The following LIMS2 variants were observed in gnomAD, a reference collection of about 807,000 sequenced individuals.
LIMS2 encodes LIM and senescent cell antigen-like-containing domain protein 2.
LIMS2 carries 30 observed loss-of-function variants against 45.3 expected under a neutral mutation model. The ratio of observed to expected loss-of-function variants is 0.66; its 90% CI spans 0.50 to 0.90. The LOEUF is 0.90. LIMS2 is among the 40% of genes least tolerant of loss of function. The probability of loss-of-function intolerance (pLI) is 0.00; values close to 1 mark genes in which losing one functional copy is unlikely to be tolerated. For synonymous variants in LIMS2, 173 were observed against 188.0 expected (o/e 0.92, Z 0.65); for missense variants, 485 against 468.7 (o/e 1.03, Z -0.32).
At chr2:127,649,157 G>GAGGAAGGAAGGA (rs1469679192) in intron 4 of LIMS2, among the ~76,000 whole-genome samples, 2 of 73,862 alleles carry the variant, frequency 2.7e-5, no homozygotes, top group African/African-American at 1.1e-4. Context: ...GTGAGAGAGA[G>GAGGAAGGAAGGA]AGGAAGGTAG....
chr2:127,642,137 TCATGGCAGGGCAGG>T lies in LIMS2; in HGVS notation c.558_571del (p.Cys186Ter), dbSNP rs1406728924. ...CCCGCAGATGGGGACGCCCATCTTG[TCATGGCAGGGCAGG>T]CAGTAGAGCTCACCCTTCAGCTCGC... On this transcript the variant is annotated stop_gained and frameshift_variant, in exon 6 of 10. Transcript: ENST00000355119. LOFTEE classifies it high-confidence loss of function. The surrounding 1 kb of genome is among the most constrained non-coding windows in gnomAD (Gnocchi z 5.3). 1 of 1,605,140 alleles carries T rather than the reference TCATGGCAGGGCAGG, an allele frequency of 6.2e-7. No homozygotes were observed. The highest frequency in any genetic ancestry group is 8.5e-7 in the Non-Finnish European group (1 of 1,175,518).
chr2:127,640,941 G>A lies in LIMS2; in HGVS notation c.708C>T (p.His236=). The change falls in exon 7 of 10, where the codon CAC becomes CAT. Residue 236 remains histidine (H), a synonymous_variant. Transcript: ENST00000355119. The stretch of plus-strand genomic sequence containing the variant: ...AGTAGGCCAGGCCCTTCTTCTCATA[G>A]TGCCGGTGCCCCAGGAATGGCTTCT... ...KCEKPFLGHR[H]YEKKGLAYCE... The A allele has an allele frequency of 1.2e-6, 2 of 1,613,968 alleles. No homozygotes were observed. The highest frequency in any genetic ancestry group is 1.1e-5 in the South Asian group (1 of 91,088).
intron 1 of LIMS2, among the ~76,000 whole-genome samples, chr2:127,668,711 A>C (rs1258688535): frequency 3.3e-5 from 4 of 119,492 alleles, no homozygotes; most frequent in Admixed American, 8.4e-5. Flanking sequence ...AAAAAAAAAA[A>C]CACCTTACTT....
intron 4 of LIMS2, chr2:127,651,853 A>G: frequency 8.8e-7 from 1 of 1,139,252 alleles, no homozygotes; most frequent in Non-Finnish European, 1.3e-6. Flanking sequence ...CCAGCAAGCA[A>G]CCTGAAATCT....
intron 4 of LIMS2, chr2:127,650,155 G>C (rs1558879975): frequency 3.8e-6 from 5 of 1,319,538 alleles, no homozygotes; most frequent in Non-Finnish European, 3.2e-6. Flanking sequence ...TAAGTGCCAG[G>C]GGCAAGCCAT....
At chr2:127,679,676 G>A (rs371207981), upstream of LIMS2, among the ~76,000 whole-genome samples, 123 of 152,266 alleles carry the variant, frequency 8.1e-4, 2 homozygotes, top group South Asian at 0.025. This position sits in a 1 kb window ranked among gnomAD's most constrained non-coding sequence, Gnocchi z 5.3. Flanking sequence ...CAACGCTCGT[G>A]GGAGCTGGGA....
At position 127,640,139 on chromosome 2, in the gene LIMS2, G is replaced by A. The variant is rs778245789; in HGVS notation, c.809C>T (p.Ser270Leu). ...CSHVIEGDVV[S>L]ALNKAWCVSC... ...CACACACCAGGCCTTGTTGAGGGCC[G>A]ACACCACTGTGAGGGAAGCGTGGGA... Residue 270 changes from serine (S) to leucine (L), a missense_variant, in exon 9 of 10, where the codon TCG becomes TTG. Transcript: ENST00000355119. The A allele has an allele frequency of 1.5e-5, 24 of 1,613,242 alleles. No homozygotes were observed. The highest frequency in any genetic ancestry group is 4.0e-5 in the African/African-American group (3 of 74,938).
chr2:127,664,440 G>GC lies in LIMS2; in HGVS notation c.12-6879dup. The GC allele has an allele frequency of 8.4e-7, 1 of 1,189,376 alleles. No individual in the cohort carries two copies. The highest frequency in any genetic ancestry group is 4.2e-5 in the South Asian group (1 of 23,566). 73.7% of individuals were successfully genotyped at this position (1,189,376 alleles called of 1,614,324 possible). A position where few individuals can be genotyped will look rare whatever the true frequency, so the allele number is the denominator to read the frequency against. On this transcript the variant is annotated intron_variant, in intron 1 of 9. Transcript: ENST00000355119. The surrounding 1 kb of genome is among the most constrained non-coding windows in gnomAD (Gnocchi z 5.5). ...CGGGCGCGGGCCGCCTGGTGCAGGG[G>GC]CTATGGGACCACCTCGGAGGGGAGG...
At position 127,638,648 on chromosome 2, in the gene LIMS2, G is replaced by A. The variant is rs972466327; in HGVS notation, c.*633C>T. 5 of 152,798 alleles carry A rather than the reference G, an allele frequency of 3.3e-5. No individual in the cohort carries two copies. The highest frequency in any genetic ancestry group is 2.1e-4 in the South Asian group (1 of 4,858). 9.5% of individuals were successfully genotyped at this position (152,798 alleles called of 1,614,324 possible). On this transcript the variant is annotated 3_prime_UTR_variant, in exon 10 of 10. Transcript: ENST00000355119. The stretch of plus-strand genomic sequence containing the variant: ...CGGAACCGAGGGCGGAGGCCAAGGT[G>A]GGATTCCAGGAAGGCCTTCCGAAGG...
At chr2:127,655,764 A>G (rs1684212513) in intron 2 of LIMS2, 1 of 152,358 alleles carries the variant, frequency 6.6e-6, no homozygotes, top group Non-Finnish European at 1.5e-5. Flanking sequence ...CACTGTGAGG[A>G]ACAGCGGCTC....
chr2:127,668,687 A>C (rs1298686775), intron 1 of LIMS2, among the ~76,000 whole-genome samples: 2 of 130,144 alleles, frequency 1.5e-5, no homozygotes, highest in African/African-American at 3.3e-5. Flanking sequence ...AAAAAAAAAA[A>C]AAAAAAAAAA....
intron 1 of LIMS2, among the ~76,000 whole-genome samples, chr2:127,673,339 G>A (rs13426518): frequency 0.048 from 7,274 of 152,254 alleles, 320 homozygotes; most frequent in African/African-American, 0.12. Context: ...TCTCTAAGAC[G>A]AGTAGTATTG....
intron 1 of LIMS2, among the ~76,000 whole-genome samples, chr2:127,673,466 C>A (rs888246434): frequency 6.6e-6 from 1 of 152,152 alleles, no homozygotes; most frequent in African/African-American, 2.4e-5. Context: ...GAAGGCTGAC[C>A]CCTGCTCGCC....
intron 4 of LIMS2, chr2:127,650,952 C>T: frequency 6.2e-7 from 1 of 1,613,934 alleles, no homozygotes; most frequent in Non-Finnish European, 8.5e-7. Context: ...CCTGATGCAT[C>T]TGGCCGTGGC....
rs932663937 is a variant in LIMS2 at position 127,665,154 on chromosome 2, C to A, written c.12-7592G>T. On this transcript the variant is annotated intron_variant, in intron 1 of 9. Transcript: ENST00000355119. Reference sequence around the variant, plus strand: ...TTCATAAACACCCGCGGTAGGCATCCAAACTGTGACCAAGGTAAGCCTGGT... The same window carrying A: ...TTCATAAACACCCGCGGTAGGCATCAAAACTGTGACCAAGGTAAGCCTGGT... Among the ~76,000 whole-genome samples, 3 of 152,174 alleles carry A rather than the reference C, an allele frequency of 2.0e-5. No homozygotes were observed. The South Asian group carries it at 6.2e-4, about 32-fold the overall frequency.
At chr2:127,639,834 T>A (rs559406536) in intron 9 of LIMS2, among the ~76,000 whole-genome samples, 1 of 152,270 alleles carries the variant, frequency 6.6e-6, no homozygotes, top group East Asian at 1.9e-4. Context: ...GGCAGGTGTG[T>A]TGGAGGCATG....
intron 1 of LIMS2, among the ~76,000 whole-genome samples, chr2:127,657,851 A>T (rs1352169087): frequency 6.6e-6 from 1 of 152,102 alleles, no homozygotes; most frequent in East Asian, 1.9e-4. Context: ...GCGGCTCTGT[A>T]TTCACACTCT....
upstream of LIMS2, among the ~76,000 whole-genome samples, chr2:127,678,151 T>A (rs1339658430): frequency 6.6e-6 from 1 of 152,140 alleles, no homozygotes; most frequent in Non-Finnish European, 1.5e-5. This position sits in a 1 kb window ranked among gnomAD's most constrained non-coding sequence, Gnocchi z 5.3. Flanking sequence ...AATACATTGT[T>A]TAAATCAAGA....
intron 4 of LIMS2, chr2:127,651,738 G>A (rs780603592): frequency 6.2e-7 from 1 of 1,612,546 alleles, no homozygotes; most frequent in South Asian, 1.1e-5. Flanking sequence ...CTCGCTGAGT[G>A]CCAAGTCAGA....
Sources: gnomAD v4.1 joint callset for allele counts (sites outside exome capture counted in the v4.1 genomes callset) on GRCh38, gnomAD v4.1.1 for gene constraint, Gnocchi (gnomAD v3.1) non-coding constraint, MANE v1.5 for transcripts, NCBI Gene and HGNC (gene_info 2026-07-23, HGNC 2026-07-21) for gene names.